Variants in NR3C2 observed in about 807,000 individuals in gnomAD.
NR3C2 encodes nuclear receptor subfamily 3 group C member 2, also known as mineralocorticoid receptor.
In NR3C2, 15 loss-of-function variants were observed where a neutral mutation model predicts 86.4. The ratio of observed to expected loss-of-function variants is 0.17; its 90% confidence interval spans 0.12 to 0.27. The LOEUF (loss-of-function observed/expected upper bound fraction) is 0.27. Ranked by LOEUF, NR3C2 falls within the 10% of genes least tolerant of loss-of-function variation. NR3C2 has a pLI of 1.00. For missense variants in NR3C2, 960 were observed against 1,195.6 expected (o/e 0.80, Z 2.91); for synonymous variants, 458 against 450.5 (o/e 1.02, Z -0.21).
intron 2 of NR3C2, among the ~76,000 whole-genome samples, chr4:148,417,355 TGACTTCTCTATCCAAGA>T (rs1405066932): frequency 1.3e-5 from 2 of 152,350 alleles, no homozygotes; most frequent in African/African-American, 4.8e-5. Flanking sequence ...AGACTTATAA[TGACTTCTCTATCCAAGA>T]GTCAGATATG....
chr4:148,140,340 G>C (rs575928704), intron 6 of NR3C2, among the ~76,000 whole-genome samples: 8 of 152,286 alleles, frequency 5.3e-5, no homozygotes, highest in African/African-American at 1.9e-4. Context: ...GTGCACTCCA[G>C]CCTAGGTGAC....
chr4:148,114,428 TACAC>T (rs1251460279), intron 7 of NR3C2, among the ~76,000 whole-genome samples, 167 bp from the exon 8 acceptor site: 3 of 152,238 alleles, frequency 2.0e-5, no homozygotes, highest in Non-Finnish European at 2.9e-5. Context: ...TACACATACA[TACAC>T]AAAGAACAAC....
intron 8 of NR3C2, among the ~76,000 whole-genome samples, chr4:148,091,815 G>A (rs1444681767): frequency 6.6e-6 from 1 of 152,196 alleles, no homozygotes; most frequent in African/African-American, 2.4e-5. Flanking sequence ...ATAGAGGCAG[G>A]GCAGGCTGAA....
chr4:148,087,360 A>G (rs868428210), intron 8 of NR3C2, among the ~76,000 whole-genome samples: 27 of 152,326 alleles, frequency 1.8e-4, no homozygotes, highest in Middle Eastern at 3.4e-3. Context: ...CCCACCAGCT[A>G]TCATTGACTT....
chr4:148,211,407 A>G (rs973783505), intron 3 of NR3C2, among the ~76,000 whole-genome samples: 4 of 152,374 alleles, frequency 2.6e-5, no homozygotes, highest in East Asian at 1.9e-4. Context: ...GTGTAAGATA[A>G]TAAAATGCAG....
chr4:148,103,121 A>C (rs568045065), intron 8 of NR3C2, among the ~76,000 whole-genome samples: 5 of 152,114 alleles, frequency 3.3e-5, no homozygotes, highest in Non-Finnish European at 7.3e-5. Flanking sequence ...CTATGTGGCA[A>C]ACCCCGACTT....
chr4:148,228,125 C>T (rs9762822), intron 3 of NR3C2, among the ~76,000 whole-genome samples: 145,548 of 152,292 alleles, frequency 0.96, 69,883 homozygotes, highest in East Asian at 1. Context: ...ATAGTGCAAT[C>T]TCCTATTGCA....
At chr4:148,286,146 CA>C (rs1346041434) in intron 2 of NR3C2, among the ~76,000 whole-genome samples, 1 of 152,090 alleles carries the variant, frequency 6.6e-6, no homozygotes, top group African/African-American at 2.4e-5. Context: ...GTGTGTGGCA[CA>C]AATCATTTTG....
intron 2 of NR3C2, among the ~76,000 whole-genome samples, chr4:148,427,608 T>C (rs1255061482): frequency 6.6e-6 from 1 of 151,572 alleles, no homozygotes; most frequent in Non-Finnish European, 1.5e-5. Context: ...CGGGAGTCTG[T>C]GCCTCGGTGG....
chr4:148,183,037 G>A (rs1735716458), intron 4 of NR3C2, among the ~76,000 whole-genome samples: 2 of 152,078 alleles, frequency 1.3e-5, no homozygotes, highest in Admixed American at 6.5e-5. Context: ...TGTTCTCATT[G>A]TTCAATTCCC....
chr4:148,375,003 T>C (rs1440686677), intron 2 of NR3C2, among the ~76,000 whole-genome samples: 1 of 152,220 alleles, frequency 6.6e-6, no homozygotes, highest in Non-Finnish European at 1.5e-5. Flanking sequence ...AAAGTAAATA[T>C]GTTGTCACGT....
intron 4 of NR3C2, among the ~76,000 whole-genome samples, chr4:148,156,820 A>C (rs1734413292): frequency 6.6e-6 from 1 of 152,112 alleles, no homozygotes; most frequent in Admixed American, 6.5e-5. Flanking sequence ...TATCCAAAGG[A>C]CTATAAATCA....
intron 3 of NR3C2, among the ~76,000 whole-genome samples, chr4:148,200,192 G>A (rs539092493): frequency 2.6e-5 from 4 of 152,334 alleles, no homozygotes; most frequent in African/African-American, 9.6e-5. Flanking sequence ...TGGTAGCCCA[G>A]CCACTTCCAG....
At chr4:148,111,819 T>C (rs1008201842) in intron 8 of NR3C2, among the ~76,000 whole-genome samples, 3 of 152,090 alleles carry the variant, frequency 2.0e-5, no homozygotes, top group Non-Finnish European at 4.4e-5. Flanking sequence ...TAGAAAGTAA[T>C]TGAGGAGAAG....
intron 2 of NR3C2, among the ~76,000 whole-genome samples, chr4:148,364,837 C>G (rs1336177312): frequency 1.4e-5 from 2 of 146,752 alleles, no homozygotes; most frequent in African/African-American, 5.0e-5. Flanking sequence ...TTTTGGAATA[C>G]TGGCACAAAC....
At chr4:148,118,752 T>C (rs1407341168) in intron 7 of NR3C2, among the ~76,000 whole-genome samples, 1 of 152,192 alleles carries the variant, frequency 6.6e-6, no homozygotes, top group East Asian at 1.9e-4. Flanking sequence ...GCATCACTAC[T>C]GTGGCTAGTC....
intron 2 of NR3C2, among the ~76,000 whole-genome samples, chr4:148,314,009 G>C (rs1427355865): frequency 6.6e-6 from 1 of 152,134 alleles, no homozygotes; most frequent in Non-Finnish European, 1.5e-5. Flanking sequence ...ACTTCGATTC[G>C]AAAGAGGAGG....
intron 3 of NR3C2, among the ~76,000 whole-genome samples, chr4:148,219,285 G>A (rs1431026548): frequency 6.6e-6 from 1 of 152,208 alleles, no homozygotes; most frequent in African/African-American, 2.4e-5. Flanking sequence ...GATTATGCAC[G>A]TCTACTCAAA....
At position 148,436,054 on chromosome 4, in the gene NR3C2, T is replaced by C; in HGVS notation, c.807A>G (p.Lys269=). 1 of 1,614,132 alleles carries C rather than the reference T, an allele frequency of 6.2e-7. No individual in the cohort carries two copies. Among genetic ancestry groups the C allele is most frequent in the Non-Finnish European group, 8.5e-7 (1 of 1,180,014 alleles). ...SPLSSPLSSM[K]SSISSPPSHC... is the part of the protein sequence containing the mutation. The stretch of plus-strand genomic sequence containing the variant: ...GACTTGGAGGGCTGGAAATTGAGGA[T>C]TTCATGCTACTTAACGGACTTGAGA... The change falls in exon 2 of 9, where the codon AAA becomes AAG. Residue 269 remains lysine, a synonymous_variant. Coordinates refer to ENST00000358102, the MANE Select transcript of NR3C2 (RefSeq NM_000901.5).
Sources: gnomAD v4.1 joint callset for allele counts (sites outside exome capture counted in the v4.1 genomes callset) on GRCh38, gnomAD v4.1.1 for gene constraint, MANE v1.5 for transcripts, NCBI Gene and HGNC (gene_info 2026-07-23, HGNC 2026-07-21) for gene names.